Variants in LRP8 observed in about 807,000 individuals in gnomAD.
LRP8 encodes the protein low-density lipoprotein receptor-related protein 8.
Under a neutral mutation model 111.6 loss-of-function variants are expected in LRP8, and 46 were observed. The ratio of observed to expected loss-of-function variants is 0.41; its 90% confidence interval spans 0.33 to 0.53. The LOEUF (loss-of-function observed/expected upper bound fraction) is 0.53, where lower values mean the gene tolerates loss of function less well. Ranked by LOEUF, LRP8 falls within the 20% of genes least tolerant of loss-of-function variation. The pLI, the probability that LRP8 is intolerant of heterozygous loss-of-function variation, is 0.20. For missense variants in LRP8, 959 were observed against 1,297.4 expected, an observed-to-expected ratio of 0.74 and a Z score of 4.01; for synonymous variants, 464 against 511.2, an observed-to-expected ratio of 0.91 and a Z score of 1.24.
Position 53,262,049 on chromosome 1 carries a change from C to T in LRP8, c.1914+19G>A. On this transcript the variant is annotated intron_variant, in intron 12 of 18. Transcript: ENST00000306052. The surrounding 1 kb of genome is among the most constrained non-coding windows in gnomAD (Gnocchi z 4.8). ...CTTCAGCTTCCTAGTGGGCCCTTGC[C>T]TCTCCTTACAGGACTCACCTCAAAC... 1.9e-6 allele frequency: 3 copies of T among 1,612,680 alleles called. No individual in the cohort carries two copies. Among genetic ancestry groups the T allele is most frequent in the Non-Finnish European group, 2.5e-6 (3 of 1,179,176 alleles).
Position 53,280,612 on chromosome 1 carries a change from T to TC in LRP8, c.470dup (p.Ala158SerfsTer3). Reference sequence around the variant, plus strand: ...AGGTAGCACAGCCGGCCTCATCCGCTCCACCCTCGCAGTCCTTCTCCCCGT... The same window carrying TC: ...AGGTAGCACAGCCGGCCTCATCCGCTCCCACCCTCGCAGTCCTTCTCCCCGT... On this transcript the variant is annotated frameshift_variant, in exon 4 of 19. Coordinates refer to ENST00000306052, the MANE Select transcript of LRP8 (RefSeq NM_004631.5). LOFTEE classifies it high-confidence loss of function. The TC allele has an allele frequency of 6.2e-7, 1 of 1,613,144 alleles. No homozygotes were observed. Among genetic ancestry groups the TC allele is most frequent in the Non-Finnish European group, 8.5e-7 (1 of 1,180,008 alleles).
In LRP8 at chr1:53,327,032, G is replaced by C. The variant is rs753579591; in HGVS notation, c.125-40C>G. 5.0e-6 allele frequency: 8 copies of C among 1,605,906 alleles called. No homozygotes were observed. In the South Asian group the frequency reaches 6.6e-5, roughly 13 times the overall value. ...GAGCGTGAGCTGGATCAGCGGACTCGGCCCCACTCCCCACCATGCAGTCCG... is the reference window on the plus strand; with the variant it reads ...GAGCGTGAGCTGGATCAGCGGACTCCGCCCCACTCCCCACCATGCAGTCCG... On this transcript the variant is annotated intron_variant, in intron 1 of 18. Transcript: ENST00000306052.
chr1:53,279,954 C>T lies in LRP8; in HGVS notation c.496+633G>A, dbSNP rs1306857496. ...TGGCCCAGGCCCTGCTGGCCTGCTC[C>T]CTGGGAAGGAGATAATCCTGTGTTT... On this transcript the variant is annotated intron_variant, in intron 4 of 18. Transcript: ENST00000306052. The surrounding 1 kb of genome is among the most constrained non-coding windows in gnomAD (Gnocchi z 4.4). Among the ~76,000 whole-genome samples, 2 of 152,370 alleles carry T rather than the reference C, an allele frequency of 1.3e-5. No homozygotes were observed. The highest frequency in any genetic ancestry group is 3.9e-4 in the East Asian group (2 of 5,186).
chr1:53,277,152 C>T, intron 4 of LRP8, 74 bp from the exon 5 acceptor site: 1 of 1,365,280 alleles, frequency 7.3e-7, no homozygotes, highest in Non-Finnish European at 9.4e-7. Context: ...GGTCCGGCTA[C>T]AGGGGCTCCG....
At chr1:53,258,669 T>C (rs752426959) in intron 13 of LRP8, among the ~76,000 whole-genome samples, 198 bp from the exon 14 acceptor site, 2 of 152,168 alleles carry the variant, frequency 1.3e-5, no homozygotes, top group Non-Finnish European at 2.9e-5. Context: ...ATGGATGAAT[T>C]ATATAGTGGT....
chr1:53,299,898 T>C (rs1557835042), intron 2 of LRP8, among the ~76,000 whole-genome samples: 1 of 152,244 alleles, frequency 6.6e-6, no homozygotes, highest in Non-Finnish European at 1.5e-5. Flanking sequence ...CTCTCCTTTT[T>C]AGGTATGGTT....
intron 2 of LRP8, among the ~76,000 whole-genome samples, chr1:53,313,623 C>G (rs955613554): frequency 6.6e-6 from 1 of 152,136 alleles, no homozygotes; most frequent in Non-Finnish European, 1.5e-5. Flanking sequence ...CAGGTGAGGC[C>G]GGACAAGCAG....
rs1316749995 is a variant in LRP8, at chr1:53,266,683, T to A, written c.1253-36A>T. 6.2e-7 allele frequency: 1 copy of A among 1,600,382 alleles called. No homozygotes were observed. Among genetic ancestry groups the A allele is most frequent in the Non-Finnish European group, 8.6e-7 (1 of 1,168,870 alleles). On this transcript the variant is annotated intron_variant, in intron 8 of 18. Coordinates refer to ENST00000306052, the MANE Select transcript of LRP8 (RefSeq NM_004631.5). The surrounding 1 kb of genome is among the most constrained non-coding windows in gnomAD (Gnocchi z 5.0). ...GGGAGGTTGAAAGAGAAAGAGTCAG[T>A]GCAAGAGGCAGGGAGCCTGGAGACC...
At position 53,243,432 on chromosome 1, in the gene LRP8, C is replaced by T. The variant is rs1481069343; in HGVS notation, c.*3586G>A. 1.3e-5 allele frequency: 2 copies of T among 152,170 alleles called. No individual in the cohort carries two copies. The highest frequency in any genetic ancestry group is 2.9e-5 in the Non-Finnish European group (2 of 68,016). The allele number at this position is 152,170 out of a possible 1,614,324, so 9.4% of individuals were successfully genotyped here. A position where few individuals can be genotyped will look rare whatever the true frequency, so the allele number is the denominator to read the frequency against. On this transcript the variant is annotated 3_prime_UTR_variant, in exon 19 of 19. Transcript: ENST00000306052. ...ATATATGAAAAGCAGTCAGCATTTC[C>T]CTTTGGCCACTGGAAAGCTTGAGGC...
At position 53,250,654 on chromosome 1, in the gene LRP8, C is replaced by G. The variant is rs137917952; in HGVS notation, c.2676+36G>C. On this transcript the variant is annotated intron_variant, in intron 17 of 18. Coordinates refer to ENST00000306052, the MANE Select transcript of LRP8 (RefSeq NM_004631.5). This position sits in a 1 kb window ranked among gnomAD's most constrained non-coding sequence, Gnocchi z 4.6. ...AAGAAAGGATGGAAGGGAAGATGGT[C>G]GGAAGGTAGGAATTCTCCCAGTGAG... The G allele has an allele frequency of 3.1e-6, 5 of 1,587,360 alleles. No homozygotes were observed. The highest frequency in any genetic ancestry group is 4.3e-6 in the Non-Finnish European group (5 of 1,158,916).
chr1:53,274,365 G>A (rs1352379923), intron 6 of LRP8, among the ~76,000 whole-genome samples: 1 of 152,228 alleles, frequency 6.6e-6, no homozygotes, highest in Non-Finnish European at 1.5e-5. Context: ...GGCCTTGGCT[G>A]GGTCAGCAGG....
intron 3 of LRP8, among the ~76,000 whole-genome samples, chr1:53,282,566 A>G (rs1261646754): frequency 7.9e-5 from 12 of 152,284 alleles, no homozygotes; most frequent in African/African-American, 2.6e-4. Flanking sequence ...ACTGGAACAC[A>G]GGAAGCTGAA....
chr1:53,320,728 C>T (rs1234545489), intron 2 of LRP8, among the ~76,000 whole-genome samples: 1 of 152,198 alleles, frequency 6.6e-6, no homozygotes, highest in African/African-American at 2.4e-5. Context: ...AACAGGGTCC[C>T]TCCCCAGTCC....
chr1:53,272,900 G>A (rs1344016220), intron 6 of LRP8, among the ~76,000 whole-genome samples: 1 of 152,158 alleles, frequency 6.6e-6, no homozygotes, highest in Non-Finnish European at 1.5e-5. Flanking sequence ...CTCTCCTTTT[G>A]CAGCTAGCAA....
At chr1:53,255,242 A>G (rs1646040341) in intron 15 of LRP8, 57 bp from the exon 16 acceptor site, 2 of 1,519,418 alleles carry the variant, frequency 1.3e-6, no homozygotes, top group South Asian at 1.1e-5. Context: ...CCAAGCCCCT[A>G]CTGGCCTCAA....
At chr1:53,327,663 G>C in intron 1 of LRP8, 126 bp downstream of exon 1, 1 of 1,282,394 alleles carries the variant, frequency 7.8e-7, no homozygotes. Flanking sequence ...GCTTCGCGTG[G>C]AGCCTGTCCG....
At chr1:53,280,166 G>A (rs1376148675) in intron 4 of LRP8, among the ~76,000 whole-genome samples, 6 of 151,962 alleles carry the variant, frequency 3.9e-5, no homozygotes, top group South Asian at 2.1e-4. Context: ...TCAGACCACC[G>A]CCATTTCTCC....
intron 2 of LRP8, among the ~76,000 whole-genome samples, chr1:53,301,025 G>T (rs189967577): frequency 6.6e-6 from 1 of 152,230 alleles, no homozygotes; most frequent in Non-Finnish European, 1.5e-5. Context: ...CTCGAGGTGT[G>T]GGGGGTGGGG....
At position 53,245,706 on chromosome 1, in the gene LRP8, T is replaced by C. The variant is rs1193962925; in HGVS notation, c.*1312A>G. 6.5e-6 allele frequency: 1 copy of C among 152,676 alleles called. No individual in the cohort carries two copies. The highest frequency in any genetic ancestry group is 1.5e-5 in the Non-Finnish European group (1 of 68,052). The allele number at this position is 152,676 out of a possible 1,614,324, so 9.5% of individuals were successfully genotyped here. A position where few individuals can be genotyped will look rare whatever the true frequency, so the allele number is the denominator to read the frequency against. ...TTAAGCCAAAAATTAGTTTCATCTATATGAACATATGATGGTAAGTAACCT... is the reference window on the plus strand; with the variant it reads ...TTAAGCCAAAAATTAGTTTCATCTACATGAACATATGATGGTAAGTAACCT... On this transcript the variant is annotated 3_prime_UTR_variant, in exon 19 of 19. Transcript: ENST00000306052.
Sources: allele counts gnomAD v4.1 joint callset (sites outside exome capture counted in the v4.1 genomes callset), GRCh38; gene constraint gnomAD v4.1.1; non-coding constraint Gnocchi (gnomAD v3.1); transcripts MANE v1.5; gene names NCBI Gene and HGNC (gene_info 2026-07-23, HGNC 2026-07-21).